NT5DC1: variants seen among roughly 807,000 people sequenced by gnomAD.
NT5DC1 encodes the protein 5'-nucleotidase domain-containing protein 1.
In NT5DC1, 42 loss-of-function variants were observed where a neutral mutation model predicts 59.4. The observed-to-expected ratio is 0.71, with a 90% CI of 0.55 to 0.92. The LOEUF is 0.92. Among genes scored for constraint, NT5DC1 ranks in the 40% least tolerant of loss-of-function variants. The pLI, the probability that NT5DC1 is intolerant of heterozygous loss-of-function variation, is 0.00. For synonymous variants in NT5DC1, 172 were observed against 188.1 expected (o/e 0.91, Z 0.70); for missense variants, 501 against 537.1 (o/e 0.93, Z 0.66).
intron 8 of NT5DC1, among the ~76,000 whole-genome samples, chr6:116,231,437 T>C (rs1782019348): frequency 6.6e-6 from 1 of 152,216 alleles, no homozygotes; most frequent in Non-Finnish European, 1.5e-5. Flanking sequence ...GTAAATATAT[T>C]TTTAATCATA....
At chr6:116,221,377 C>T in intron 7 of NT5DC1, 149 bp downstream of exon 7, 1 of 575,846 alleles carries the variant, frequency 1.7e-6, no homozygotes, top group East Asian at 2.7e-5. Context: ...TGACATACCT[C>T]AATCTCTGCT....
intron 7 of NT5DC1, among the ~76,000 whole-genome samples, chr6:116,222,230 G>A (rs1324278213): frequency 6.6e-6 from 1 of 152,152 alleles, no homozygotes; most frequent in Non-Finnish European, 1.5e-5. Context: ...GTCTTAGAAG[G>A]TGCCTCTCAT....
intron 3 of NT5DC1, among the ~76,000 whole-genome samples, chr6:116,108,893 A>G (rs1481656588): frequency 6.6e-6 from 1 of 152,084 alleles, no homozygotes; most frequent in Non-Finnish European, 1.5e-5. Flanking sequence ...TCATGCAGGG[A>G]TCATGTTGTG....
chr6:116,228,893 T>C (rs906379514), intron 8 of NT5DC1, among the ~76,000 whole-genome samples: 3 of 152,172 alleles, frequency 2.0e-5, no homozygotes, highest in African/African-American at 7.2e-5. Flanking sequence ...CTTCTCCTGT[T>C]GTCCTTCAGC....
At chr6:116,151,454 G>A (rs1780036290) in intron 6 of NT5DC1, among the ~76,000 whole-genome samples, 1 of 152,146 alleles carries the variant, frequency 6.6e-6, no homozygotes, top group Non-Finnish European at 1.5e-5. Flanking sequence ...CATTTATAGA[G>A]TAAAATTTTA....
intron 11 of NT5DC1, among the ~76,000 whole-genome samples, chr6:116,241,687 G>T (rs1403686308): frequency 2.0e-5 from 3 of 152,164 alleles, no homozygotes; most frequent in African/African-American, 7.2e-5. Flanking sequence ...ACTTTGGGAG[G>T]CCGAGGCGGG....
chr6:116,238,421 C>G (rs1782164106), intron 10 of NT5DC1, 73 bp downstream of exon 10: 2 of 836,912 alleles, frequency 2.4e-6, no homozygotes, highest in Non-Finnish European at 3.3e-6. Flanking sequence ...CTTTATACTA[C>G]TTGACTCCAA....
chr6:116,171,424 A>T (rs1780605000), intron 6 of NT5DC1, among the ~76,000 whole-genome samples: 2 of 152,166 alleles, frequency 1.3e-5, no homozygotes, highest in South Asian at 4.1e-4. Flanking sequence ...TATACTTTAT[A>T]AAAAAAGCCA....
intron 11 of NT5DC1, among the ~76,000 whole-genome samples, chr6:116,241,261 T>C (rs1298649448): frequency 6.6e-6 from 1 of 152,036 alleles, no homozygotes; most frequent in African/African-American, 2.4e-5. Context: ...TTAAAAATAA[T>C]TCATGTCAGA....
intron 6 of NT5DC1, among the ~76,000 whole-genome samples, chr6:116,163,913 C>T (rs189054948): frequency 2.2e-3 from 336 of 152,170 alleles, no homozygotes; most frequent in Non-Finnish European, 3.5e-3. Flanking sequence ...TTTGAGAGTT[C>T]CTTTCAGCAT....
intron 6 of NT5DC1, among the ~76,000 whole-genome samples, chr6:116,165,098 G>GAAAAAA (rs71554841): frequency 0.013 from 1,308 of 100,974 alleles, 64 homozygotes; most frequent in African/African-American, 0.046. Flanking sequence ...CTCCGTCTCA[G>GAAAAAA]AAAAAAAAAA....
In NT5DC1 at chr6:116,178,106, C is replaced by CGTGT. The variant is rs141400633; in HGVS notation, c.530-42945_530-42944insTGTG. On this transcript the variant is annotated intron_variant, in intron 6 of 11. Transcript: ENST00000319550. Reference sequence around the variant, plus strand: ...GTGTGTGTGCGCGCGCGCGCGCGTGCGTGCGTGTGTGTGTGTGTGTGTGTG... The same window carrying CGTGT: ...GTGTGTGTGCGCGCGCGCGCGCGTGCGTGTGTGCGTGTGTGTGTGTGTGTGTGTG... Among the ~76,000 whole-genome samples, 150 of 130,826 alleles carry CGTGT rather than the reference C, an allele frequency of 1.1e-3. 3 individuals carry two copies. Among genetic ancestry groups the CGTGT allele is most frequent in the African/African-American group, 4.4e-3 (141 of 31,878 alleles). 85.8% of individuals were successfully genotyped at this position (130,826 alleles called of 152,430 possible). A position where few individuals can be genotyped will look rare whatever the true frequency, so the allele number is the denominator to read the frequency against.
At position 116,106,340 on chromosome 6, in the gene NT5DC1, GTTCT is replaced by G; in HGVS notation, c.185+8_185+11del. On this transcript the variant is annotated splice_donor_region_variant and intron_variant, in intron 2 of 11. Transcript: ENST00000319550. ...CCCAGAGGATTGGGATTTCTGGTAA[GTTCT>G]TTTTTTTTTTTTTTTTTTAAGTCTG... 5 of 988,778 alleles carry G rather than the reference GTTCT, an allele frequency of 5.1e-6. No homozygotes were observed. The highest frequency in any genetic ancestry group is 2.3e-5 in the Admixed American group (1 of 42,724). 61.3% of individuals were successfully genotyped at this position (988,778 alleles called of 1,614,324 possible).
At chr6:116,150,009 A>G (rs1779997327) in intron 6 of NT5DC1, among the ~76,000 whole-genome samples, 1 of 152,030 alleles carries the variant, frequency 6.6e-6, no homozygotes, top group Admixed American at 6.6e-5. Flanking sequence ...CTGCCCCCCA[A>G]AGTACTGTTG....
chr6:116,134,262 G>A (rs1462468822), intron 6 of NT5DC1, among the ~76,000 whole-genome samples: 1 of 152,104 alleles, frequency 6.6e-6, no homozygotes, highest in East Asian at 1.9e-4. Context: ...GCCAGGTTGG[G>A]TTCTAGGAAT....
At chr6:116,119,924 G>A (rs957096921) in intron 6 of NT5DC1, 3 of 749,660 alleles carry the variant, frequency 4.0e-6, no homozygotes, top group African/African-American at 1.7e-5. Flanking sequence ...TTTTCAGGGG[G>A]AAGGTTTGTT....
intron 6 of NT5DC1, among the ~76,000 whole-genome samples, chr6:116,177,640 AAAGG>A (rs1562151921): frequency 6.6e-6 from 1 of 152,230 alleles, no homozygotes; most frequent in African/African-American, 2.4e-5. Context: ...CTTTTTACTT[AAAGG>A]AATTTATCTA....
At chr6:116,225,441 G>C (rs1453229420) in intron 8 of NT5DC1, among the ~76,000 whole-genome samples, 2 of 152,182 alleles carry the variant, frequency 1.3e-5, no homozygotes, top group Non-Finnish European at 2.9e-5. Flanking sequence ...AGAGAAGAAA[G>C]AGTGCAGTGT....
intron 6 of NT5DC1, among the ~76,000 whole-genome samples, chr6:116,147,132 T>G (rs1779918750): frequency 6.6e-6 from 1 of 151,024 alleles, no homozygotes; most frequent in Non-Finnish European, 1.5e-5. Context: ...AAAATACAAG[T>G]AAAGTTAAAG....
Sources: allele counts gnomAD v4.1 joint callset (sites outside exome capture counted in the v4.1 genomes callset), GRCh38; gene constraint gnomAD v4.1.1; transcripts MANE v1.5; gene names NCBI Gene and HGNC (gene_info 2026-07-23, HGNC 2026-07-21).